The following KLHL28 variants were observed in gnomAD, a reference collection of about 807,000 sequenced individuals.
The protein encoded by KLHL28 is kelch like family member 28.
A neutral mutation model predicts 48.3 loss-of-function variants in KLHL28; 22 were observed. The observed-to-expected ratio is 0.46, with a 90% CI of 0.33 to 0.65. The LOEUF is 0.65. KLHL28 is among the 30% of genes least tolerant of loss of function. KLHL28 has a pLI of 0.03. For synonymous variants in KLHL28, 243 were observed against 242.4 expected, an observed-to-expected ratio of 1.00 and a Z score of -0.02; for missense variants, 527 against 704.3, an observed-to-expected ratio of 0.75 and a Z score of 2.85.
chr14:44,929,371 C>T (rs1284253947), intron 4 of KLHL28, among the ~76,000 whole-genome samples, 180 bp from the exon 5 acceptor site: 3 of 152,138 alleles, frequency 2.0e-5, no homozygotes, highest in African/African-American at 7.2e-5. Context: ...TCCATGCTTT[C>T]AGTTACCTGA....
chr14:44,958,689 G>A (rs916369740), intron 1 of KLHL28, among the ~76,000 whole-genome samples: 2 of 152,032 alleles, frequency 1.3e-5, no homozygotes, highest in Non-Finnish European at 2.9e-5. Flanking sequence ...CTTTGAACTT[G>A]CTTTCTTCTG....
At chr14:44,944,999 C>G in intron 2 of KLHL28, 31 bp downstream of exon 2, 1 of 1,416,962 alleles carries the variant, frequency 7.1e-7, no homozygotes, top group Non-Finnish European at 9.6e-7. Flanking sequence ...AATCAATTAG[C>G]ATCATTCATT....
chr14:44,930,280 T>C (rs1883526680), intron 4 of KLHL28, among the ~76,000 whole-genome samples: 1 of 152,170 alleles, frequency 6.6e-6, no homozygotes, highest in Admixed American at 6.5e-5. Context: ...AAATCCAAAG[T>C]GCTCCAACAT....
intron 2 of KLHL28, among the ~76,000 whole-genome samples, chr14:44,940,456 T>C (rs1443231251): frequency 1.3e-5 from 2 of 152,214 alleles, no homozygotes; most frequent in Non-Finnish European, 2.9e-5. Flanking sequence ...TGCACAACTA[T>C]TCAAAAAATG....
intron 1 of KLHL28, among the ~76,000 whole-genome samples, chr14:44,955,931 T>C (rs1476078192): frequency 6.6e-6 from 1 of 152,314 alleles, no homozygotes; most frequent in East Asian, 1.9e-4. Context: ...ATAACTGCAA[T>C]TGATTAAACG....
intron 2 of KLHL28, among the ~76,000 whole-genome samples, chr14:44,940,384 C>A (rs1382109062): frequency 6.6e-6 from 1 of 152,128 alleles, no homozygotes; most frequent in Non-Finnish European, 1.5e-5. Context: ...TGAATTAGAC[C>A]TGTGGTTTAT....
intron 2 of KLHL28, among the ~76,000 whole-genome samples, chr14:44,940,675 C>G (rs1483767067): frequency 6.6e-6 from 1 of 152,186 alleles, no homozygotes; most frequent in Middle Eastern, 3.2e-3. Flanking sequence ...GCCAGTAAAC[C>G]TCAATTGTCT....
intron 2 of KLHL28, among the ~76,000 whole-genome samples, chr14:44,939,065 A>G (rs1883963523): frequency 6.6e-6 from 1 of 152,204 alleles, no homozygotes; most frequent in Non-Finnish European, 1.5e-5. Context: ...CTGTAGAGTT[A>G]ACATCACATG....
chr14:44,961,132 TA>T (rs1885066754), intron 1 of KLHL28: 1 of 419,492 alleles, frequency 2.4e-6, no homozygotes, highest in Admixed American at 4.2e-5. Context: ...TCGCCTAAAA[TA>T]AATAAATGTC....
intron 2 of KLHL28, among the ~76,000 whole-genome samples, chr14:44,942,054 G>A (rs1001894570): frequency 6.6e-6 from 1 of 152,140 alleles, no homozygotes; most frequent in Admixed American, 6.5e-5. Flanking sequence ...TCTTTGAGCT[G>A]TGCACTCATA....
At chr14:44,955,856 A>G (rs899452770) in intron 1 of KLHL28, among the ~76,000 whole-genome samples, 1 of 152,218 alleles carries the variant, frequency 6.6e-6, no homozygotes, top group Non-Finnish European at 1.5e-5. Flanking sequence ...TATAAAAAAT[A>G]TTCAGGGGCC....
rs1002879566 is a variant in KLHL28 at position 44,937,622 on chromosome 14, C to T, written c.900-3064G>A. The stretch of plus-strand genomic sequence containing the variant: ...CATACAACATACAATGTCATTAGTC[C>T]TTATGGTCTTTTGATGGTGTCTTAG... On this transcript the variant is annotated intron_variant, in intron 2 of 4. Transcript: ENST00000396128. Among the ~76,000 whole-genome samples the T allele has an allele frequency of 5.9e-5, 9 of 152,080 alleles. No individual in the cohort carries two copies. In the East Asian group the frequency reaches 7.7e-4, roughly 13 times the overall value.
intron 4 of KLHL28, 152 bp downstream of exon 4, chr14:44,931,181 T>C (rs1883569292): frequency 1.8e-6 from 1 of 550,594 alleles, no homozygotes; most frequent in Non-Finnish European, 3.2e-6. Context: ...GTCTAGCTAA[T>C]TGTCTTTCAA....
chr14:44,940,553 C>G (rs1884026189), intron 2 of KLHL28, among the ~76,000 whole-genome samples: 1 of 152,136 alleles, frequency 6.6e-6, no homozygotes, highest in South Asian at 2.1e-4. Flanking sequence ...TCTTAAGTTA[C>G]CTACCCAATC....
intron 1 of KLHL28, among the ~76,000 whole-genome samples, chr14:44,954,182 G>T (rs1252974603): frequency 1.3e-5 from 2 of 152,102 alleles, no homozygotes; most frequent in African/African-American, 4.8e-5. Flanking sequence ...ATTGCTGTGG[G>T]AATAGAAAAT....
intron 2 of KLHL28, among the ~76,000 whole-genome samples, chr14:44,938,681 G>T (rs1165532213): frequency 6.6e-6 from 1 of 152,096 alleles, no homozygotes; most frequent in Admixed American, 6.5e-5. Flanking sequence ...AAAACATTAA[G>T]TCTTAAAGCT....
chr14:44,931,209 CT>C (rs544684169), intron 4 of KLHL28, 123 bp downstream of exon 4: 49,671 of 463,656 alleles, frequency 0.11, 4 homozygotes, highest in East Asian at 0.14. Flanking sequence ...ACATACAAGT[CT>C]TTTTTTTTTT....
intron 1 of KLHL28, among the ~76,000 whole-genome samples, chr14:44,950,489 T>A (rs1325368252): frequency 6.6e-6 from 1 of 152,206 alleles, no homozygotes. Context: ...CATCAACATA[T>A]GACACGCAAA....
At chr14:44,933,702 G>A (rs1205251755) in intron 3 of KLHL28, among the ~76,000 whole-genome samples, 1 of 152,032 alleles carries the variant, frequency 6.6e-6, no homozygotes, top group African/African-American at 2.4e-5. Flanking sequence ...ATTTAAATAA[G>A]GTTTTAAGTT....
Sources: gnomAD v4.1 joint callset for allele counts (sites outside exome capture counted in the v4.1 genomes callset) on GRCh38, gnomAD v4.1.1 for gene constraint, MANE v1.5 for transcripts, NCBI Gene and HGNC (gene_info 2026-07-23, HGNC 2026-07-21) for gene names.